The following KCNQ1OT1 variants were observed in gnomAD, a reference collection of about 807,000 sequenced individuals.
The protein encoded by KCNQ1OT1 is KCNQ1 antisense RNA 2 (non-protein coding).
exon 1 of KCNQ1OT1, chr11:2,650,213 C>T: frequency 2.5e-6 from 1 of 398,340 alleles, no homozygotes; most frequent in Non-Finnish European, 4.4e-6. Context: ...TTTGTATTGT[C>T]TATTTGTGTT....
At position 2,677,849 on chromosome 11, in the gene KCNQ1OT1, T is replaced by C; in HGVS notation, n.22146A>G. On this transcript the variant is annotated non_coding_transcript_exon_variant, in exon 1 of 1. Transcript: ENST00000597346. This position sits in a 1 kb window ranked among gnomAD's most constrained non-coding sequence, Gnocchi z 4.5. Reference sequence around the variant, plus strand: ...ATACTGCCAAATAAGGGCTGTACCATTTACATCACTTTGACTGCACAAATG... The same window carrying C: ...ATACTGCCAAATAAGGGCTGTACCACTTACATCACTTTGACTGCACAAATG... 1 of 398,516 alleles carries C rather than the reference T, an allele frequency of 2.5e-6. No individual in the cohort carries two copies. Among genetic ancestry groups the C allele is most frequent in the Non-Finnish European group, 4.4e-6 (1 of 226,050 alleles). The allele number at this position is 398,516 out of a possible 1,614,324, so 24.7% of individuals were successfully genotyped here.
exon 1 of KCNQ1OT1, chr11:2,609,573 CCTTATTGATCTTCT>C (rs1848943095): frequency 3.7e-6 from 1 of 266,938 alleles, no homozygotes; most frequent in East Asian, 5.6e-5. Context: ...TCTTCTGTTT[CCTTATTGATCTTCT>C]TTCTTGTACT....
At position 2,689,592 on chromosome 11, in the gene KCNQ1OT1, T is replaced by C. The variant is rs231352; in HGVS notation, n.10403A>G. 0.59 allele frequency: 236,538 copies of C among 398,460 alleles called. 73,861 individuals are homozygous for C. Among genetic ancestry groups the C allele is most frequent in the East Asian group, 0.9 (25,240 of 28,080 alleles). The allele number at this position is 398,460 out of a possible 1,614,324, so 24.7% of individuals were successfully genotyped here. A position where few individuals can be genotyped will look rare whatever the true frequency, so the allele number is the denominator to read the frequency against. On this transcript the variant is annotated non_coding_transcript_exon_variant, in exon 1 of 1. Transcript: ENST00000597346. ...GAAATCTGTTAGCAGTGGTGTCTTC[T>C]AGATTCTCAAGGATCCGGGTATTTT...
exon 1 of KCNQ1OT1, chr11:2,629,166 T>C (rs1388975728): frequency 2.5e-6 from 1 of 398,366 alleles, no homozygotes. Context: ...GCCTTGAATC[T>C]GTAGATCACT....
At position 2,661,819 on chromosome 11, in the gene KCNQ1OT1, C is replaced by A; in HGVS notation, n.38176G>T. The A allele has an allele frequency of 5.9e-6, 6 of 1,016,576 alleles. No homozygotes were observed. Among genetic ancestry groups the A allele is most frequent in the Non-Finnish European group, 9.1e-6 (6 of 661,884 alleles). The allele number at this position is 1,016,576 out of a possible 1,614,324, so 63.0% of individuals were successfully genotyped here. A position where few individuals can be genotyped will look rare whatever the true frequency, so the allele number is the denominator to read the frequency against. On this transcript the variant is annotated non_coding_transcript_exon_variant, in exon 1 of 1. Transcript: ENST00000597346. The surrounding 1 kb of genome is among the most constrained non-coding windows in gnomAD (Gnocchi z 5.9). ...AACACCCACCCACCCCAACACCCAA[C>A]TATAAAACTGATTGTCAGGGCTGGA...
rs910483809 is a variant in KCNQ1OT1 at position 2,695,351 on chromosome 11, C to T, written n.4644G>A. 1.3e-5 allele frequency: 5 copies of T among 398,476 alleles called. No homozygotes were observed. The highest frequency in any genetic ancestry group is 4.1e-5 in the African/African-American group (2 of 48,676). The allele number at this position is 398,476 out of a possible 1,614,324, so 24.7% of individuals were successfully genotyped here. A position where few individuals can be genotyped will look rare whatever the true frequency, so the allele number is the denominator to read the frequency against. The stretch of plus-strand genomic sequence containing the variant: ...CATTGTGTGTGTGTGTGTGCACTCA[C>T]GAGCACTCCCTAGTACTGCGTGTCT... On this transcript the variant is annotated non_coding_transcript_exon_variant, in exon 1 of 1. Coordinates refer to ENST00000597346, the Ensembl canonical transcript of KCNQ1OT1. This position sits in a 1 kb window ranked among gnomAD's most constrained non-coding sequence, Gnocchi z 5.2.
exon 1 of KCNQ1OT1, chr11:2,614,528 T>C (rs1279627378): frequency 5.0e-6 from 2 of 398,406 alleles, no homozygotes; most frequent in African/African-American, 4.1e-5. Context: ...TATTTTTTGG[T>C]CTCTGATACA....
chr11:2,649,098 T>C, exon 1 of KCNQ1OT1: 2 of 397,558 alleles, frequency 5.0e-6, no homozygotes, highest in Admixed American at 4.4e-5. Context: ...AGTCTATGGG[T>C]GTCTTTACAG....
At chr11:2,616,454 T>C (rs898769347) in exon 1 of KCNQ1OT1, 9 of 397,864 alleles carry the variant, frequency 2.3e-5, no homozygotes, top group Non-Finnish European at 3.5e-5. Flanking sequence ...ACTTCGTTCT[T>C]CTTTCTCTGG....
At chr11:2,660,489 T>C in exon 1 of KCNQ1OT1, 1 of 398,630 alleles carries the variant, frequency 2.5e-6, no homozygotes, top group Non-Finnish European at 4.4e-6. Context: ...GGAAGCTATC[T>C]ATGCCTCATA....
exon 1 of KCNQ1OT1, chr11:2,637,887 T>C (rs1413379570): frequency 6.6e-6 from 1 of 152,212 alleles, no homozygotes; most frequent in Non-Finnish European, 1.5e-5. Context: ...GCATATATAT[T>C]TAAGATAGTT....
chr11:2,665,620 G>C (rs753514623), exon 1 of KCNQ1OT1: 1 of 397,300 alleles, frequency 2.5e-6, no homozygotes, highest in Middle Eastern at 6.3e-4. Context: ...TAGGCTGTAC[G>C]GCTGTGTCCT....
At chr11:2,649,333 T>A (rs1192167240) in exon 1 of KCNQ1OT1, 1 of 398,554 alleles carries the variant, frequency 2.5e-6, no homozygotes, top group South Asian at 1.3e-4. Context: ...GTAGTGATAA[T>A]CTTTTATTCC....
chr11:2,681,056 C>A (rs1167951395), exon 1 of KCNQ1OT1: 5 of 398,440 alleles, frequency 1.3e-5, no homozygotes, highest in South Asian at 1.3e-4. Context: ...ATGTGGGCTC[C>A]AAAAAGAGAC....
exon 1 of KCNQ1OT1, chr11:2,640,607 T>C: frequency 2.5e-6 from 1 of 398,194 alleles, no homozygotes; most frequent in Non-Finnish European, 4.4e-6. Flanking sequence ...ATGGGGTACA[T>C]GTGCTATTGT....
At chr11:2,615,239 T>C (rs192235951) in exon 1 of KCNQ1OT1, 102 of 398,188 alleles carry the variant, frequency 2.6e-4, no homozygotes, top group African/African-American at 2.0e-3. Flanking sequence ...TTTCTTAAAA[T>C]AAATGTTGAA....
At chr11:2,689,256 C>T (rs1333119363) in exon 1 of KCNQ1OT1, 5 of 398,590 alleles carry the variant, frequency 1.3e-5, no homozygotes, top group African/African-American at 8.2e-5. Context: ...CCTTGGAGGA[C>T]GTTCCTATCA....
rs925832188 is a variant in KCNQ1OT1 at position 2,664,907 on chromosome 11, C to G, written n.35088G>C. The G allele has an allele frequency of 2.5e-6, 1 of 398,528 alleles. No individual in the cohort carries two copies. Among genetic ancestry groups the G allele is most frequent in the Non-Finnish European group, 4.4e-6 (1 of 226,094 alleles). 24.7% of individuals were successfully genotyped at this position (398,528 alleles called of 1,614,324 possible). On this transcript the variant is annotated non_coding_transcript_exon_variant, in exon 1 of 1. Transcript: ENST00000597346. The surrounding 1 kb of genome is among the most constrained non-coding windows in gnomAD (Gnocchi z 5.1). ...ATAAAGACACATTTTGTTTCCATCT[C>G]GAGCTCTCCCCGCCCGCAGGGCCCC...
At position 2,657,669 on chromosome 11, in the gene KCNQ1OT1, C is replaced by A. The variant is rs1329793851; in HGVS notation, n.42326G>T. 2 of 398,508 alleles carry A rather than the reference C, an allele frequency of 5.0e-6. No individual in the cohort carries two copies. Among genetic ancestry groups the A allele is most frequent in the Admixed American group, 4.4e-5 (1 of 22,716 alleles). The allele number at this position is 398,508 out of a possible 1,614,324, so 24.7% of individuals were successfully genotyped here. A position where few individuals can be genotyped will look rare whatever the true frequency, so the allele number is the denominator to read the frequency against. On this transcript the variant is annotated non_coding_transcript_exon_variant, in exon 1 of 1. Coordinates refer to ENST00000597346, the Ensembl canonical transcript of KCNQ1OT1. The surrounding 1 kb of genome is among the most constrained non-coding windows in gnomAD (Gnocchi z 4.8). ...TATTTGGATTTCCCCAGTTTAACTA[C>A]TAATGTCCTTTTTCTGTTCCAAGAT...
Sources: gnomAD v4.1 joint callset for allele counts on GRCh38, gnomAD v4.1.1 for gene constraint, Gnocchi (gnomAD v3.1) non-coding constraint, MANE v1.5 for transcripts, NCBI Gene and HGNC (gene_info 2026-07-23, HGNC 2026-07-21) for gene names.